Variants in ANKS1B observed in about 807,000 individuals in gnomAD.
ANKS1B encodes ankyrin repeat and sterile alpha motif domain-containing protein 1B.
A neutral mutation model predicts 148.3 loss-of-function variants in ANKS1B; 36 were observed. The ratio of observed to expected loss-of-function variants is 0.24; its 90% CI spans 0.19 to 0.32. ANKS1B has a LOEUF of 0.32. Ranked by LOEUF, ANKS1B falls within the 10% of genes least tolerant of loss-of-function variation. ANKS1B has a pLI of 1.00. For synonymous variants in ANKS1B, 542 were observed against 560.8 expected, an observed-to-expected ratio of 0.97 and a Z score of 0.47; for missense variants, 1,157 against 1,542.6, an observed-to-expected ratio of 0.75 and a Z score of 4.19.
intron 9 of ANKS1B, among the ~76,000 whole-genome samples, chr12:99,619,534 A>G (rs1223385758): frequency 6.6e-6 from 1 of 151,652 alleles, no homozygotes; most frequent in Non-Finnish European, 1.5e-5. Flanking sequence ...CTTCCTGGGC[A>G]TAGATTGTGG....
At chr12:99,528,945 C>T (rs1229015017) in intron 9 of ANKS1B, among the ~76,000 whole-genome samples, 1 of 152,056 alleles carries the variant, frequency 6.6e-6, no homozygotes, top group East Asian at 1.9e-4. Context: ...ATTATATGTA[C>T]ATGTGATTTT....
chr12:99,775,900 C>T (rs910001587), intron 6 of ANKS1B, among the ~76,000 whole-genome samples: 2 of 152,030 alleles, frequency 1.3e-5, no homozygotes, highest in Admixed American at 1.3e-4. Context: ...CTCTTGAACC[C>T]CTTTCTTCTA....
intron 1 of ANKS1B, among the ~76,000 whole-genome samples, chr12:99,846,599 C>A (rs574607110): frequency 1.3e-5 from 2 of 151,984 alleles, no homozygotes; most frequent in Non-Finnish European, 2.9e-5. Flanking sequence ...TTTTCAATAG[C>A]GACTTAGGTT....
chr12:99,891,162 A>G (rs2093082800), intron 1 of ANKS1B, among the ~76,000 whole-genome samples: 1 of 152,230 alleles, frequency 6.6e-6, no homozygotes, highest in Non-Finnish European at 1.5e-5. Flanking sequence ...ATCATGTAGT[A>G]GTAGGTCTAT....
At chr12:99,712,395 TGAGA>T (rs1402918358) in intron 8 of ANKS1B, among the ~76,000 whole-genome samples, 1 of 152,150 alleles carries the variant, frequency 6.6e-6, no homozygotes, top group African/African-American at 2.4e-5. Context: ...TTAAGGTTCC[TGAGA>T]GTGAGAGATT....
At chr12:99,866,500 T>C (rs1197284987) in intron 1 of ANKS1B, among the ~76,000 whole-genome samples, 1 of 152,218 alleles carries the variant, frequency 6.6e-6, no homozygotes, top group Non-Finnish European at 1.5e-5. Context: ...AGGTTTACTC[T>C]AGTAACATTA....
chr12:99,648,554 A>G lies in ANKS1B; in HGVS notation c.1272+6513T>C, dbSNP rs781558810. ...AGGCTGCTTCCCTTGATGTTTGTGA[A>G]AATAACCATCCACAACAGCGTAAAA... is the stretch of plus-strand genomic sequence containing the variant. On this transcript the variant is annotated intron_variant, in intron 9 of 26. Coordinates refer to ENST00000683438, the MANE Select transcript of ANKS1B (RefSeq NM_001352186.2). 1.2e-6 allele frequency: 2 copies of G among 1,614,162 alleles called. No homozygotes were observed. The highest frequency in any genetic ancestry group is 3.3e-5 in the Admixed American group (2 of 60,022).
rs369365162 is a variant in ANKS1B, at chr12:99,492,002, T to C, written c.1438+12474A>G. Among the ~76,000 whole-genome samples, 4 of 151,830 alleles carry C rather than the reference T, an allele frequency of 2.6e-5. No homozygotes were observed. The South Asian group carries it at 8.3e-4, about 32-fold the overall frequency. ...AACCTAACATCACAACTAAAAGAAC[T>C]AGAGAACCAAGGGCACCCCCAAAGC... On this transcript the variant is annotated intron_variant, in intron 10 of 26. Transcript: ENST00000683438.
chr12:99,770,752 T>C (rs1175038970), intron 8 of ANKS1B, among the ~76,000 whole-genome samples: 1 of 152,088 alleles, frequency 6.6e-6, no homozygotes, highest in Non-Finnish European at 1.5e-5. Flanking sequence ...ACTTCTACTC[T>C]CTCATCTTTC....
At chr12:99,753,164 C>A (rs1281787517) in intron 8 of ANKS1B, among the ~76,000 whole-genome samples, 2 of 151,762 alleles carry the variant, frequency 1.3e-5, no homozygotes, top group Non-Finnish European at 2.9e-5. Context: ...TCCATCTGTT[C>A]AAAGAAAAAG....
At chr12:98,874,522 G>T (rs370744397) in intron 17 of ANKS1B, among the ~76,000 whole-genome samples, 14 of 152,212 alleles carry the variant, frequency 9.2e-5, no homozygotes, top group African/African-American at 3.1e-4. Context: ...CAATCTCATC[G>T]GGAGGAAGGT....
At chr12:98,906,677 C>T (rs541186928) in intron 17 of ANKS1B, among the ~76,000 whole-genome samples, 1 of 152,266 alleles carries the variant, frequency 6.6e-6, no homozygotes, top group Admixed American at 6.5e-5. Context: ...ACAAAAGAAT[C>T]AAAGCTCTCC....
chr12:99,317,670 G>C (rs1211512426), intron 12 of ANKS1B, among the ~76,000 whole-genome samples: 2 of 152,124 alleles, frequency 1.3e-5, no homozygotes, highest in African/African-American at 4.8e-5. Flanking sequence ...TCTCCTGCCT[G>C]ATTTGCCCTG....
intron 10 of ANKS1B, among the ~76,000 whole-genome samples, chr12:99,464,290 G>A (rs994157547): frequency 2.0e-5 from 3 of 152,110 alleles, no homozygotes; most frequent in South Asian, 4.1e-4. Flanking sequence ...AAACCCATCT[G>A]TACATCACCA....
chr12:98,745,178 T>C lies in ANKS1B; in HGVS notation c.*561A>G, dbSNP rs1204411870. 3 of 985,678 alleles carry C rather than the reference T, an allele frequency of 3.0e-6. No individual in the cohort carries two copies. The highest frequency in any genetic ancestry group is 2.4e-6 in the Non-Finnish European group (2 of 829,936). 61.1% of individuals were successfully genotyped at this position (985,678 alleles called of 1,614,324 possible). The stretch of plus-strand genomic sequence containing the variant: ...GGTGATTACATATAAAATCCACAAA[T>C]ATAGAAATGGGGAAACAGAATCTCC... On this transcript the variant is annotated 3_prime_UTR_variant, in exon 27 of 27. Transcript: ENST00000683438.
chr12:99,606,467 T>C (rs1407406205), intron 9 of ANKS1B, among the ~76,000 whole-genome samples: 3 of 151,992 alleles, frequency 2.0e-5, no homozygotes, highest in Admixed American at 2.0e-4. Flanking sequence ...CTGTCTCATA[T>C]TAGTACAAAT....
intron 15 of ANKS1B, among the ~76,000 whole-genome samples, chr12:99,117,555 T>C (rs145704418): frequency 2.0e-5 from 3 of 152,332 alleles, no homozygotes; most frequent in East Asian, 1.9e-4. Flanking sequence ...GCTGATTTGA[T>C]TGTGGTGGAT....
intron 14 of ANKS1B, among the ~76,000 whole-genome samples, chr12:99,161,598 A>G (rs1294043281): frequency 6.6e-6 from 1 of 152,166 alleles, no homozygotes; most frequent in East Asian, 1.9e-4. Flanking sequence ...AAAAGTGGCT[A>G]ATAGCTACAG....
At chr12:99,586,509 C>T (rs2097641792) in intron 9 of ANKS1B, among the ~76,000 whole-genome samples, 1 of 152,182 alleles carries the variant, frequency 6.6e-6, no homozygotes, top group Non-Finnish European at 1.5e-5. Flanking sequence ...CCAAACTTTC[C>T]CACATTTTCC....
Sources: allele counts gnomAD v4.1 joint callset (sites outside exome capture counted in the v4.1 genomes callset), GRCh38; gene constraint gnomAD v4.1.1; transcripts MANE v1.5; gene names NCBI Gene and HGNC (gene_info 2026-07-23, HGNC 2026-07-21).